Variants in MOSPD2 observed in about 807,000 individuals in gnomAD.
MOSPD2 encodes the protein motile sperm domain containing 2.
MOSPD2 carries 5 observed loss-of-function variants against 41.7 expected under a neutral mutation model. The ratio of observed to expected loss-of-function variants is 0.12; its 90% CI spans 0.06 to 0.25. The LOEUF (loss-of-function observed/expected upper bound fraction) is 0.25. MOSPD2 is among the 10% of genes least tolerant of loss of function. The pLI, the probability that MOSPD2 is intolerant of heterozygous loss-of-function variation, is 1.00. For missense variants in MOSPD2, 282 were observed against 375.2 expected (o/e 0.75, Z 2.05); for synonymous variants, 115 against 126.9 (o/e 0.91, Z 0.63).
chrX:14,906,910 G>A (rs756278080), intron 7 of MOSPD2, among the ~76,000 whole-genome samples: 13 of 111,369 alleles, frequency 1.2e-4, no homozygotes, highest in Non-Finnish European at 2.4e-4. Flanking sequence ...TGTAATCCCA[G>A]CTACTTGGGA....
intron 5 of MOSPD2, among the ~76,000 whole-genome samples, chrX:14,899,514 T>TTATATATA (rs202171136): frequency 4.2e-5 from 4 of 94,442 alleles, no homozygotes; most frequent in African/African-American, 1.1e-4. Context: ...AAAGGTATTA[T>TTATATATA]TATATATATA....
chrX:14,888,189 AATAT>A (rs2092545359), intron 2 of MOSPD2, among the ~76,000 whole-genome samples: 1 of 81,641 alleles, frequency 1.2e-5, no homozygotes, highest in East Asian at 3.3e-4. Flanking sequence ...GTATTGGGAG[AATAT>A]ATACACACAC....
At chrX:14,895,447 T>C (rs1177687031) in intron 4 of MOSPD2, 53 bp downstream of exon 4, 12 of 713,899 alleles carry the variant, frequency 1.7e-5, no homozygotes, top group Non-Finnish European at 1.1e-5. Context: ...GATTGAGATA[T>C]CTATGTCAAC....
At chrX:14,894,710 G>A (rs2092560009) in intron 3 of MOSPD2, among the ~76,000 whole-genome samples, 1 of 110,535 alleles carries the variant, frequency 9.0e-6, no homozygotes, top group African/African-American at 3.3e-5. Flanking sequence ...TCCCGTGTTG[G>A]CCTCCCAAAG....
Position 14,912,287 on chromosome X carries a change from T to C in MOSPD2, c.918T>C (p.Asn306=), listed in dbSNP as rs763634750. Reference sequence around the variant, plus strand: ...AATCTACTTCCAAAGCAGAAGAAAATGAAAAAGTTGATTCAAAAGTGAAAG... The same window carrying C: ...AATCTACTTCCAAAGCAGAAGAAAACGAAAAAGTTGATTCAAAAGTGAAAG... ...PTESTSKAEE[N]EKVDSKVKAF... The change falls in exon 10 of 15, where the codon AAT becomes AAC. Residue 306 remains asparagine (N), a synonymous_variant. Transcript: ENST00000380492. The C allele has an allele frequency of 1.3e-5, 16 of 1,189,197 alleles. No individual in the cohort carries two copies. The Admixed American group carries it at 3.8e-4, about 28-fold the overall frequency.
chrX:14,915,802 G>A (rs1270175869), intron 12 of MOSPD2, 38 bp downstream of exon 12: 1 of 1,083,322 alleles, frequency 9.2e-7, no homozygotes. Flanking sequence ...GGTGTTGGGT[G>A]TGGTGGGGGT....
chrX:14,890,688 T>C (rs2092551980), intron 2 of MOSPD2, among the ~76,000 whole-genome samples: 1 of 111,773 alleles, frequency 8.9e-6, no homozygotes, highest in Non-Finnish European at 1.9e-5. Flanking sequence ...ATTGTGAGTA[T>C]ATAAAACAGC....
intron 7 of MOSPD2, among the ~76,000 whole-genome samples, chrX:14,907,834 G>T (rs989121893): frequency 9.0e-6 from 1 of 111,306 alleles, no homozygotes; most frequent in African/African-American, 3.3e-5. Context: ...TGTATAAAGG[G>T]GGGATTTTAT....
rs1479743175 is a variant in MOSPD2, at chrX:14,873,600, G to A, written c.9+63G>A. The A allele has an allele frequency of 8.3e-6, 10 of 1,207,518 alleles. No individual in the cohort carries two copies. In the Admixed American group the frequency reaches 2.0e-4, roughly 24 times the overall value. On this transcript the variant is annotated intron_variant, in intron 1 of 14. Transcript: ENST00000380492. ...CCGGAAGCCGCCTCTGAGGCCCGGG[G>A]ACCGAGCGCCCGTGTGCAGGTGGGC...
At chrX:14,914,645 T>A (rs1350187819) in intron 11 of MOSPD2, 46 bp downstream of exon 11, 7 of 759,437 alleles carry the variant, frequency 9.2e-6, no homozygotes, top group Non-Finnish European at 1.4e-5. Flanking sequence ...GAATTTGACA[T>A]GGGAAGTGAT....
At position 14,873,844 on chromosome X, in the gene MOSPD2, G is replaced by A. The variant is rs762821033; in HGVS notation, c.79+86G>A. 93 of 797,115 alleles carry A rather than the reference G, an allele frequency of 1.2e-4. 1 individual carries two copies. In the South Asian group the frequency reaches 1.8e-3, roughly 15 times the overall value. The allele number at this position is 797,115 out of a possible 1,213,427, so 65.7% of individuals were successfully genotyped here. ...AGTGTTTGTGAGTGTATTTGTGGGA[G>A]GTGTTAGGGACCCTTTCGACCCTCA... On this transcript the variant is annotated intron_variant, in intron 2 of 14. Coordinates refer to ENST00000380492, the MANE Select transcript of MOSPD2 (RefSeq NM_152581.4).
At chrX:14,912,602 T>C (rs1317206071) in intron 10 of MOSPD2, among the ~76,000 whole-genome samples, 2 of 111,896 alleles carry the variant, frequency 1.8e-5, no homozygotes, top group Non-Finnish European at 3.8e-5. Context: ...TAAAACTAAA[T>C]ATTTATATAT....
chrX:14,916,299 T>A lies in MOSPD2; in HGVS notation c.1289T>A (p.Val430Asp). The A allele has an allele frequency of 8.3e-7, 1 of 1,211,555 alleles. No individual in the cohort carries two copies. Among genetic ancestry groups the A allele is most frequent in the Non-Finnish European group, 1.1e-6 (1 of 895,315 alleles). ...PAELTQFWKE[V>D]PRNKVMEHRL... ...GAATTAACTCAGTTTTGGAAAGAAG[T>A]TCCCAGAAACAAAGTGATGGAACAT... The change falls in exon 13 of 15, where the codon GTT (valine) becomes GAT (aspartate). Residue 430 changes from valine to aspartate, a missense_variant. Val to Asp is a radical substitution (Grantham distance 152, BLOSUM62 -3). Transcript: ENST00000380492.
intron 4 of MOSPD2, among the ~76,000 whole-genome samples, chrX:14,895,949 G>A (rs1424261610): frequency 9.0e-6 from 1 of 111,362 alleles, no homozygotes; most frequent in Non-Finnish European, 1.9e-5. Flanking sequence ...ATACTGAACA[G>A]ATGTCCTGCA....
At chrX:14,907,169 G>A (rs1320796820) in intron 7 of MOSPD2, among the ~76,000 whole-genome samples, 3 of 112,584 alleles carry the variant, frequency 2.7e-5, no homozygotes, top group Admixed American at 1.9e-4. Flanking sequence ...ACCAAGTGAG[G>A]TGTGATTTCA....
At chrX:14,903,409 G>A (rs1215177720) in intron 7 of MOSPD2, among the ~76,000 whole-genome samples, 1 of 110,878 alleles carries the variant, frequency 9.0e-6, no homozygotes, top group Non-Finnish European at 1.9e-5. Context: ...CTAGTCAGAA[G>A]CCTCAATTTG....
Position 14,908,768 on chromosome X carries a change from C to T in MOSPD2, c.578-92C>T, listed in dbSNP as rs949718206. On this transcript the variant is annotated intron_variant, in intron 7 of 14. Coordinates refer to ENST00000380492, the MANE Select transcript of MOSPD2 (RefSeq NM_152581.4). Reference sequence around the variant, plus strand: ...AAATATTAACAGATTATAGCCCAAACTGATTTCAGAAGACCTGGGTTAGCA... The same window carrying T: ...AAATATTAACAGATTATAGCCCAAATTGATTTCAGAAGACCTGGGTTAGCA... The T allele has an allele frequency of 9.4e-6, 8 of 848,179 alleles. No individual in the cohort carries two copies. In the Middle Eastern group the frequency reaches 1.1e-3, roughly 117 times the overall value. 69.9% of individuals were successfully genotyped at this position (848,179 alleles called of 1,213,427 possible).
intron 4 of MOSPD2, among the ~76,000 whole-genome samples, chrX:14,896,737 G>A (rs2092563897): frequency 8.9e-6 from 1 of 112,534 alleles, no homozygotes; most frequent in South Asian, 3.6e-4. Context: ...CCTCTGGACG[G>A]AACATTTTTT....
intron 6 of MOSPD2, among the ~76,000 whole-genome samples, chrX:14,901,187 T>A (rs2092572542): frequency 8.9e-6 from 1 of 111,850 alleles, no homozygotes; most frequent in Admixed American, 9.5e-5. Flanking sequence ...GACTATTCCA[T>A]TAATTACCTG....
Sources: allele counts gnomAD v4.1 joint callset (sites outside exome capture counted in the v4.1 genomes callset), GRCh38; gene constraint gnomAD v4.1.1; transcripts MANE v1.5; gene names NCBI Gene and HGNC (gene_info 2026-07-23, HGNC 2026-07-21).